Variants in STOX2 observed in about 807,000 individuals in gnomAD.
The protein encoded by STOX2 is storkhead box 2.
In STOX2, 28 loss-of-function variants were observed where a neutral mutation model predicts 60.9. That is an observed-to-expected ratio of 0.46 (90% CI 0.34 to 0.63). The LOEUF (loss-of-function observed/expected upper bound fraction) is 0.63, where lower values mean the gene tolerates loss of function less well. Ranked by LOEUF, STOX2 falls within the 30% of genes least tolerant of loss-of-function variation. The pLI is 0.01. For synonymous variants in STOX2, 472 were observed against 463.9 expected (o/e 1.02, Z -0.22); for missense variants, 1,024 against 1,187.7 (o/e 0.86, Z 2.03).
intron 1 of STOX2, among the ~76,000 whole-genome samples, chr4:183,801,625 G>C (rs963193677): frequency 6.6e-6 from 1 of 152,222 alleles, no homozygotes; most frequent in East Asian, 1.9e-4. Flanking sequence ...AGATGGAGAT[G>C]GGGGTGGGGC....
chr4:183,841,087 C>T (rs1258894915), intron 1 of STOX2, among the ~76,000 whole-genome samples: 4 of 152,028 alleles, frequency 2.6e-5, no homozygotes, highest in Non-Finnish European at 5.9e-5. Flanking sequence ...AGGCTGGTCT[C>T]AAATTCTTGG....
At chr4:183,850,968 G>C (rs1218200499) in intron 1 of STOX2, among the ~76,000 whole-genome samples, 8 of 88,682 alleles carry the variant, frequency 9.0e-5, no homozygotes, top group Admixed American at 1.4e-4. Context: ...ATGAGGGAAA[G>C]GATGAGGGAA....
intron 1 of STOX2, among the ~76,000 whole-genome samples, chr4:183,887,974 G>A (rs916523738): frequency 4.6e-5 from 7 of 152,054 alleles, no homozygotes; most frequent in East Asian, 1.9e-4. Flanking sequence ...GGTTGGTCTC[G>A]AGCTCTTAGC....
At chr4:183,884,430 G>A (rs1259980146) in intron 1 of STOX2, among the ~76,000 whole-genome samples, 1 of 152,070 alleles carries the variant, frequency 6.6e-6, no homozygotes, top group Non-Finnish European at 1.5e-5. Context: ...TTGAGCTCAG[G>A]AGTTCGTGAC....
intron 1 of STOX2, among the ~76,000 whole-genome samples, chr4:183,885,968 C>T (rs1741068775): frequency 6.6e-6 from 1 of 152,172 alleles, no homozygotes; most frequent in Non-Finnish European, 1.5e-5. Flanking sequence ...AGATGGAGGC[C>T]CACATAACAG....
rs773031486 is a variant in STOX2, at chr4:184,010,244, G to A, written c.1406G>A (p.Arg469Gln). 1.1e-5 allele frequency: 17 copies of A among 1,562,744 alleles called. No homozygotes were observed. The highest frequency in any genetic ancestry group is 3.5e-5 in the South Asian group (3 of 84,858). Residue 469 changes from arginine to glutamine, a missense_variant, in exon 3 of 4, where the codon CGA (arginine) becomes CAA (glutamine). By Grantham distance (43) the Arg-to-Gln change is conservative. Coordinates refer to ENST00000308497, the MANE Select transcript of STOX2 (RefSeq NM_020225.3). This position sits in a 1 kb window ranked among gnomAD's most constrained non-coding sequence, Gnocchi z 4.5. The stretch of plus-strand genomic sequence containing the variant: ...GGAAGCTCCCACTCAAAAGTGCACC[G>A]AAGCCACAGCCATACACAGGACCGG... ...SRGSSHSKVH[R>Q]SHSHTQDRRS...
At chr4:183,913,535 G>A (rs190123387) in intron 1 of STOX2, among the ~76,000 whole-genome samples, 1 of 152,160 alleles carries the variant, frequency 6.6e-6, no homozygotes. Context: ...CACTTTGGGA[G>A]GGCGAGGCGG....
At chr4:183,926,635 T>TC (rs1329544082) in intron 1 of STOX2, among the ~76,000 whole-genome samples, 4 of 151,432 alleles carry the variant, frequency 2.6e-5, no homozygotes, top group African/African-American at 9.7e-5. Context: ...TTTTTTTTTT[T>TC]CTTTTTGAGA....
chr4:183,974,609 T>C (rs1291304821), intron 1 of STOX2, among the ~76,000 whole-genome samples: 1 of 151,904 alleles, frequency 6.6e-6, no homozygotes, highest in Admixed American at 6.6e-5. Flanking sequence ...TTACCAGGGA[T>C]AAAGAAGAAC....
chr4:183,897,437 C>A (rs1285852677), intron 1 of STOX2, among the ~76,000 whole-genome samples: 2 of 152,108 alleles, frequency 1.3e-5, no homozygotes, highest in African/African-American at 4.8e-5. Context: ...GCAGATGTAG[C>A]TGTTGTACAT....
chr4:183,976,355 A>G (rs1012513553), intron 1 of STOX2, among the ~76,000 whole-genome samples: 2 of 152,202 alleles, frequency 1.3e-5, no homozygotes, highest in African/African-American at 4.8e-5. Flanking sequence ...GTAATCTATC[A>G]TATTAACATA....
At chr4:183,997,289 G>T (rs1030914158) in intron 1 of STOX2, among the ~76,000 whole-genome samples, 1 of 152,148 alleles carries the variant, frequency 6.6e-6, no homozygotes, top group Admixed American at 6.5e-5. Flanking sequence ...CAGGCCAAGG[G>T]CACAAAAAAT....
At chr4:183,912,484 A>G (rs1318432682) in intron 1 of STOX2, among the ~76,000 whole-genome samples, 2 of 151,936 alleles carry the variant, frequency 1.3e-5, no homozygotes, top group Non-Finnish European at 2.9e-5. Context: ...AGTTTATGTG[A>G]CTTTGCCCAG....
At position 184,011,003 on chromosome 4, in the gene STOX2, C is replaced by T. The variant is rs762970650; in HGVS notation, c.2165C>T (p.Ser722Phe). The T allele has an allele frequency of 6.2e-7, 1 of 1,613,420 alleles. No homozygotes were observed. Among genetic ancestry groups the T allele is most frequent in the East Asian group, 2.2e-5 (1 of 44,866 alleles). ...AACAGCTATCACAAGTCGAGCCTGT[C>T]CCTCCTCAAATCTCACCCGAAGACA... ...SVNSYHKSSL[S>F]LLKSHPKTPA... Residue 722 changes from serine to phenylalanine, a missense_variant, in exon 3 of 4, where the codon TCC (serine) becomes TTC (phenylalanine). Ser to Phe is a radical substitution (Grantham distance 155). Transcript: ENST00000308497. This position sits in a 1 kb window ranked among gnomAD's most constrained non-coding sequence, Gnocchi z 4.4.
rs377469015 is a variant in STOX2 at position 184,009,363 on chromosome 4, C to A, written c.525C>A (p.Pro175=). ...GGTCTCAGTGCACCTCTCCGCAACC[C>A]GGGACCATCACGCCCTCTGCCTCAG... ...PDRSQCTSPQ[P]GTITPSASGC... is the part of the protein sequence containing the mutation. Residue 175 remains proline, a synonymous_variant, in exon 3 of 4, where the codon CCC becomes CCA. Transcript: ENST00000308497. This position sits in a 1 kb window ranked among gnomAD's most constrained non-coding sequence, Gnocchi z 4.0. 1 of 1,613,988 alleles carries A rather than the reference C, an allele frequency of 6.2e-7. No individual in the cohort carries two copies. Among genetic ancestry groups the A allele is most frequent in the Admixed American group, 1.7e-5 (1 of 60,024 alleles).
chr4:183,855,966 G>A (rs1322542894), intron 1 of STOX2, among the ~76,000 whole-genome samples: 4 of 152,206 alleles, frequency 2.6e-5, no homozygotes, highest in Non-Finnish European at 4.4e-5. Context: ...GGCCACAGCT[G>A]CTCTGGTTTG....
In STOX2 at chr4:183,883,849, A is replaced by C. The variant is rs575879782; in HGVS notation, c.364+85794A>C. 4.1e-5 allele frequency among the ~76,000 whole-genome samples: 5 copies of C among 122,038 alleles called. No homozygotes were observed. The South Asian group carries it at 1.4e-3, about 34-fold the overall frequency. The allele number at this position is 122,038 out of a possible 152,430, so 80.1% of individuals were successfully genotyped here. On this transcript the variant is annotated intron_variant, in intron 1 of 2. Transcript: ENST00000513034. ...TTTCTCTTTTCCACCAAAACTAGTA[A>C]ATTTTATTTTATTTTTTTTTGAGAT...
At chr4:183,818,841 G>A (rs185883080) in intron 1 of STOX2, among the ~76,000 whole-genome samples, 1 of 151,546 alleles carries the variant, frequency 6.6e-6, no homozygotes, top group Non-Finnish European at 1.5e-5. Context: ...GGTCGCGACC[G>A]GGCAGAGGCG....
In STOX2 at chr4:183,836,288, A is replaced by T. The variant is rs1440921975; in HGVS notation, c.364+38233A>T. Among the ~76,000 whole-genome samples, 1 of 152,148 alleles carries T rather than the reference A, an allele frequency of 6.6e-6. No homozygotes were observed. ...TTTATCCTCTGAGGTTGCACCGCAG[A>T]TCCTCTTCTGCAAGTCAATGGGTAT... is the stretch of plus-strand genomic sequence containing the variant. On this transcript the variant is annotated intron_variant, in intron 1 of 2. Transcript: ENST00000513034. The surrounding 1 kb of genome is among the most constrained non-coding windows in gnomAD (Gnocchi z 4.1).
Sources: gnomAD v4.1 joint callset for allele counts (sites outside exome capture counted in the v4.1 genomes callset) on GRCh38, gnomAD v4.1.1 for gene constraint, Gnocchi (gnomAD v3.1) non-coding constraint, MANE v1.5 for transcripts, NCBI Gene and HGNC (gene_info 2026-07-23, HGNC 2026-07-21) for gene names.